Variants in CHMP3 observed in about 807,000 individuals in gnomAD.
CHMP3 encodes 25.1 protein.
Under a neutral mutation model 27.4 loss-of-function variants are expected in CHMP3, and 8 were observed. The observed-to-expected ratio is 0.29, with a 90% confidence interval of 0.17 to 0.53. The LOEUF is 0.53. Ranked by LOEUF, CHMP3 falls within the 20% of genes least tolerant of loss-of-function variation. CHMP3 has a pLI of 0.96. For synonymous variants in CHMP3, 86 were observed against 85.5 expected (o/e 1.01, Z -0.03); for missense variants, 208 against 271.5 (o/e 0.77, Z 1.64).
intron 1 of CHMP3, among the ~76,000 whole-genome samples, chr2:86,553,294 C>G (rs1381678389): frequency 1.3e-5 from 2 of 151,472 alleles, no homozygotes; most frequent in Non-Finnish European, 2.9e-5. Context: ...ACAAACGAGT[C>G]TTTATTCTTA....
intron 3 of CHMP3, among the ~76,000 whole-genome samples, chr2:86,528,791 C>G (rs746274825): frequency 1.3e-5 from 2 of 152,154 alleles, no homozygotes; most frequent in Non-Finnish European, 2.9e-5. Context: ...TGTGAGGAAG[C>G]ATTAGGTAGG....
chr2:86,549,154 C>G (rs1457127041), intron 1 of CHMP3, among the ~76,000 whole-genome samples: 1 of 141,632 alleles, frequency 7.1e-6, no homozygotes, highest in Non-Finnish European at 1.5e-5. Flanking sequence ...CCAGACGGGG[C>G]GGCCGGGCAG....
chr2:86,504,423 A>G lies in CHMP3; in HGVS notation c.*1381T>C, dbSNP rs1674808520. 6.6e-6 allele frequency: 1 copy of G among 151,602 alleles called. No homozygotes were observed. Among genetic ancestry groups the G allele is most frequent in the Non-Finnish European group, 1.5e-5 (1 of 67,978 alleles). 9.4% of individuals were successfully genotyped at this position (151,602 alleles called of 1,614,324 possible). ...CTACAACTGATTTAAAAAAATAATT[A>G]TTTAAAATAATTTTTTAACTACACT... On this transcript the variant is annotated 3_prime_UTR_variant, in exon 6 of 6. Coordinates refer to ENST00000263856, the MANE Select transcript of CHMP3 (RefSeq NM_016079.4).
At chr2:86,537,618 G>A (rs1186191410) in intron 2 of CHMP3, among the ~76,000 whole-genome samples, 1 of 152,124 alleles carries the variant, frequency 6.6e-6, no homozygotes, top group Non-Finnish European at 1.5e-5. Context: ...TGATTCCCCA[G>A]GGCTCATCAG....
intron 1 of CHMP3, among the ~76,000 whole-genome samples, chr2:86,559,165 G>C (rs1440527596): frequency 6.6e-6 from 1 of 152,164 alleles, no homozygotes; most frequent in African/African-American, 2.4e-5. Flanking sequence ...TTGAGGGTCT[G>C]GACATAACAA....
intron 2 of CHMP3, among the ~76,000 whole-genome samples, chr2:86,540,053 G>C (rs1676302528): frequency 6.6e-6 from 1 of 151,960 alleles, no homozygotes; most frequent in Non-Finnish European, 1.5e-5. Context: ...TTTCTAATAA[G>C]AATTTTAAAA....
intron 2 of CHMP3, among the ~76,000 whole-genome samples, chr2:86,535,521 T>C (rs1197858783): frequency 2.0e-5 from 3 of 152,026 alleles, no homozygotes; most frequent in Admixed American, 6.5e-5. Context: ...CATGAGCTTC[T>C]CTTTTTGAGT....
At chr2:86,529,091 A>ATAAGAAT in intron 3 of CHMP3, 127 bp downstream of exon 3, 1 of 1,074,948 alleles carries the variant, frequency 9.3e-7, no homozygotes, top group South Asian at 2.1e-5. Flanking sequence ...CATTTCTACA[A>ATAAGAAT]CACTCAACAC....
At chr2:86,513,324 T>A (rs1249616456) in intron 3 of CHMP3, among the ~76,000 whole-genome samples, 1 of 152,182 alleles carries the variant, frequency 6.6e-6, no homozygotes, top group Non-Finnish European at 1.5e-5. Context: ...GAGACAGTAA[T>A]AAAATCAGTG....
intron 1 of CHMP3, among the ~76,000 whole-genome samples, chr2:86,543,023 CAT>C (rs1272995288): frequency 5.3e-5 from 8 of 152,170 alleles, no homozygotes; most frequent in African/African-American, 1.9e-4. Context: ...CTTTTTAGTA[CAT>C]GACTCAGAAG....
chr2:86,542,398 T>C (rs1676402460), intron 1 of CHMP3, 86 bp from the exon 2 acceptor site: 3 of 1,267,508 alleles, frequency 2.4e-6, no homozygotes, highest in Admixed American at 2.1e-5. Context: ...TAACTCCACA[T>C]TTATTACAGA....
chr2:86,530,563 T>C (rs1354283096), intron 2 of CHMP3, among the ~76,000 whole-genome samples: 1 of 152,250 alleles, frequency 6.6e-6, no homozygotes, highest in Non-Finnish European at 1.5e-5. Context: ...ATTGTATGTA[T>C]ATACGACATT....
intron 1 of CHMP3, among the ~76,000 whole-genome samples, chr2:86,548,179 CTTTTTTTT>C (rs55949258): frequency 8.6e-6 from 1 of 116,072 alleles, no homozygotes; most frequent in Non-Finnish European, 1.9e-5. Flanking sequence ...GAGGAGTTCT[CTTTTTTTT>C]TTTTTTTTTT....
chr2:86,555,874 A>G (rs1410540690), intron 1 of CHMP3, among the ~76,000 whole-genome samples: 1 of 152,070 alleles, frequency 6.6e-6, no homozygotes, highest in Non-Finnish European at 1.5e-5. Flanking sequence ...ACCTGCAAGG[A>G]CTCTTTTTCC....
chr2:86,536,871 T>C (rs1676165083), intron 2 of CHMP3, among the ~76,000 whole-genome samples: 1 of 152,200 alleles, frequency 6.6e-6, no homozygotes, highest in Non-Finnish European at 1.5e-5. Context: ...ACAGGTCTCT[T>C]AGGCTCTGCC....
At chr2:86,556,680 C>T (rs1677135100) in intron 1 of CHMP3, among the ~76,000 whole-genome samples, 1 of 152,136 alleles carries the variant, frequency 6.6e-6, no homozygotes, top group Admixed American at 6.5e-5. Context: ...GGGGAGGGAC[C>T]ATGTTAATTA....
Position 86,550,325 on chromosome 2 carries a change from G to A in CHMP3, c.46-8013C>T, listed in dbSNP as rs1019097881. On this transcript the variant is annotated intron_variant, in intron 1 of 5. Coordinates refer to ENST00000263856, the MANE Select transcript of CHMP3 (RefSeq NM_016079.4). ...CGGGGCAGGGAGGCTGCAGCGAGCCGAGACCACGGCAGTACAGTCCAGCCT... is the reference window on the plus strand; with the variant it reads ...CGGGGCAGGGAGGCTGCAGCGAGCCAAGACCACGGCAGTACAGTCCAGCCT... Among the ~76,000 whole-genome samples, 12 of 152,232 alleles carry A rather than the reference G, an allele frequency of 7.9e-5. No homozygotes were observed. The South Asian group carries it at 8.3e-4, about 11-fold the overall frequency.
chr2:86,510,339 A>G lies in CHMP3; in HGVS notation c.408+19T>C. The stretch of plus-strand genomic sequence containing the variant: ...GACTCTGGGGTTTGGAAAGGAAAGC[A>G]GGGCTAGCCCCAAGTCACCTTCATC... On this transcript the variant is annotated intron_variant, in intron 4 of 5. Coordinates refer to ENST00000263856, the MANE Select transcript of CHMP3 (RefSeq NM_016079.4). 2 of 1,586,446 alleles carry G rather than the reference A, an allele frequency of 1.3e-6. No homozygotes were observed. The highest frequency in any genetic ancestry group is 1.7e-6 in the Non-Finnish European group (2 of 1,163,552).
intron 1 of CHMP3, among the ~76,000 whole-genome samples, chr2:86,550,033 A>G (rs1676836156): frequency 6.6e-6 from 1 of 152,186 alleles, no homozygotes; most frequent in Non-Finnish European, 1.5e-5. Flanking sequence ...AGGTGGCTGG[A>G]AGGTGGAGGT....
Sources: allele counts gnomAD v4.1 joint callset (sites outside exome capture counted in the v4.1 genomes callset), GRCh38; gene constraint gnomAD v4.1.1; transcripts MANE v1.5; gene names NCBI Gene and HGNC (gene_info 2026-07-23, HGNC 2026-07-21).